Variants in CLIP1 observed in about 807,000 individuals in gnomAD.
The protein encoded by CLIP1 is CAP-Gly domain containing linker protein 1, also known as CAP-Gly domain-containing linker protein 1.
In CLIP1, 66 loss-of-function variants were observed where a neutral mutation model predicts 161.6. That is an observed-to-expected ratio of 0.41 (90% CI 0.33 to 0.50). The LOEUF is 0.50. Ranked by LOEUF, CLIP1 falls within the 20% of genes least tolerant of loss-of-function variation. CLIP1 has a pLI of 0.27. For missense variants in CLIP1, 1,376 were observed against 1,702.0 expected, an observed-to-expected ratio of 0.81 and a Z score of 3.37; for synonymous variants, 598 against 626.2, an observed-to-expected ratio of 0.96 and a Z score of 0.67.
chr12:122,330,461 T>C (rs1026939373), intron 15 of CLIP1, among the ~76,000 whole-genome samples: 2 of 152,170 alleles, frequency 1.3e-5, no homozygotes, highest in Non-Finnish European at 2.9e-5. Context: ...AATTTATAAA[T>C]GTTTGCCTTA....
At chr12:122,378,079 G>T in intron 2 of CLIP1, 119 bp from the exon 3 acceptor site, 2 of 856,324 alleles carry the variant, frequency 2.3e-6, no homozygotes, top group Non-Finnish European at 3.6e-6. Context: ...TTAGAAAGGT[G>T]TTTTAAAGTG....
intron 1 of CLIP1, among the ~76,000 whole-genome samples, chr12:122,415,953 T>C (rs1418710694): frequency 6.6e-6 from 1 of 151,692 alleles, no homozygotes; most frequent in Non-Finnish European, 1.5e-5. Context: ...TTAAGCAAGA[T>C]CCTGGGCCTG....
chr12:122,352,702 G>GT (rs1953099353), intron 8 of CLIP1, 24 bp downstream of exon 8: 1 of 1,601,034 alleles, frequency 6.2e-7, no homozygotes, highest in Middle Eastern at 1.7e-4. Flanking sequence ...CATAAAAGCT[G>GT]TAAGAGAGCT....
chr12:122,284,974 A>G (rs1955790692), intron 21 of CLIP1, among the ~76,000 whole-genome samples: 1 of 151,878 alleles, frequency 6.6e-6, no homozygotes, highest in Non-Finnish European at 1.5e-5. Context: ...GGGTCTCACT[A>G]TGTTGCCCAG....
intron 20 of CLIP1, among the ~76,000 whole-genome samples, chr12:122,297,905 G>A (rs1435673514): frequency 3.9e-5 from 6 of 152,114 alleles, no homozygotes; most frequent in Non-Finnish European, 7.4e-5. Flanking sequence ...AGCCACTTCC[G>A]GCAGGGTCAT....
chr12:122,364,141 A>G, intron 3 of CLIP1, 34 bp from the exon 4 acceptor site: 1 of 1,613,270 alleles, frequency 6.2e-7, no homozygotes, highest in Non-Finnish European at 8.5e-7. Flanking sequence ...AAAGAGATGA[A>G]CATCACTCTA....
chr12:122,357,330 C>T (rs1439950764), intron 5 of CLIP1, among the ~76,000 whole-genome samples: 2 of 151,630 alleles, frequency 1.3e-5, no homozygotes, highest in African/African-American at 4.8e-5. Context: ...CCCGGCCGCC[C>T]CGTCTGAGAA....
At position 122,359,838 on chromosome 12, in the gene CLIP1, C is replaced by T. The variant is rs562095903; in HGVS notation, c.1005+1121G>A. Among the ~76,000 whole-genome samples the T allele has an allele frequency of 7.9e-5, 12 of 152,316 alleles. No individual in the cohort carries two copies. The South Asian group carries it at 2.3e-3, about 29-fold the overall frequency. ...ACGCAACATCCTAGCTCCTGGTCTGCGGTTCCCCACCACCCAGCGGAGACC... is the reference window on the plus strand; with the variant it reads ...ACGCAACATCCTAGCTCCTGGTCTGTGGTTCCCCACCACCCAGCGGAGACC... On this transcript the variant is annotated intron_variant, in intron 5 of 25. Transcript: ENST00000620786.
At chr12:122,299,701 G>A (rs1468856470) in intron 20 of CLIP1, among the ~76,000 whole-genome samples, 2 of 148,648 alleles carry the variant, frequency 1.3e-5, no homozygotes, top group Non-Finnish European at 3.0e-5. Flanking sequence ...CAGATCATGA[G>A]GTCAGGAGAT....
intron 1 of CLIP1, among the ~76,000 whole-genome samples, chr12:122,389,758 CAAAAAA>C (rs57168188): frequency 5.1e-4 from 35 of 69,304 alleles, no homozygotes; most frequent in African/African-American, 1.9e-3. Flanking sequence ...GATCCTGTCT[CAAAAAA>C]AAAAAAAAAA....
chr12:122,349,894 GTTTTTTTTGTT>G (rs1566153271), intron 9 of CLIP1, among the ~76,000 whole-genome samples: 1 of 70,658 alleles, frequency 1.4e-5, no homozygotes, highest in African/African-American at 4.2e-5. Flanking sequence ...GTGTTTTTTT[GTTTTTTTTGTT>G]TTTTTTGTTT....
chr12:122,355,529 C>A lies in CLIP1; in HGVS notation c.1006-217G>T. On this transcript the variant is annotated intron_variant, in intron 5 of 25. Coordinates refer to ENST00000620786, the MANE Select transcript of CLIP1 (RefSeq NM_001247997.2). This position sits in a 1 kb window ranked among gnomAD's most constrained non-coding sequence, Gnocchi z 4.1. ...GAATACATCAACGTAAAGAGATCAG[C>A]CAGGTGCGGTGGCTCATGCCTGTAA... 1 of 532,916 alleles carries A rather than the reference C, an allele frequency of 1.9e-6. No individual in the cohort carries two copies. The highest frequency in any genetic ancestry group is 3.3e-5 in the East Asian group (1 of 30,210). The allele number at this position is 532,916 out of a possible 1,614,324, so 33.0% of individuals were successfully genotyped here. A position where few individuals can be genotyped will look rare whatever the true frequency, so the allele number is the denominator to read the frequency against.
At chr12:122,309,649 T>C (rs1950995564) in intron 20 of CLIP1, 113 bp downstream of exon 20, 3 of 1,288,146 alleles carry the variant, frequency 2.3e-6, no homozygotes, top group Non-Finnish European at 2.2e-6. Flanking sequence ...TGGAATTCCA[T>C]TTGGAATGAC....
At chr12:122,364,181 A>T in intron 3 of CLIP1, 74 bp from the exon 4 acceptor site, 4 of 1,542,322 alleles carry the variant, frequency 2.6e-6, no homozygotes, top group Non-Finnish European at 2.7e-6. Context: ...CCCTACTAGT[A>T]ACTAGGTACT....
chr12:122,338,483 G>A (rs182701852), intron 11 of CLIP1, among the ~76,000 whole-genome samples: 6 of 152,090 alleles, frequency 3.9e-5, no homozygotes, highest in Non-Finnish European at 7.4e-5. Flanking sequence ...TTGGGAGGCC[G>A]AGGTCAGTGG....
chr12:122,276,382 C>CCACACACACACACGCACACACACA, intron 24 of CLIP1: 1 of 1,160,594 alleles, frequency 8.6e-7, no homozygotes, highest in Non-Finnish European at 1.1e-6. Context: ...TAGTGGGAAA[C>CCACACACACACACGCACACACACA]CACACACACA....
chr12:122,400,355 T>G (rs1956100269), intron 1 of CLIP1: 1 of 151,244 alleles, frequency 6.6e-6, no homozygotes, highest in Non-Finnish European at 1.5e-5. Flanking sequence ...AAAAAAAAAA[T>G]TATGGGCCTG....
intron 25 of CLIP1, 123 bp from the exon 26 acceptor site, chr12:122,273,223 A>T (rs1422863977): frequency 2.8e-6 from 2 of 702,416 alleles, no homozygotes; most frequent in African/African-American, 3.6e-5. Flanking sequence ...AGCTTCCAGT[A>T]TAAGTAGTGC....
intron 20 of CLIP1, among the ~76,000 whole-genome samples, chr12:122,295,741 T>A (rs1033333582): frequency 1.3e-5 from 2 of 152,244 alleles, no homozygotes; most frequent in African/African-American, 4.8e-5. Flanking sequence ...GAATTTTCAA[T>A]TTCTCTTTTT....
Sources: allele counts gnomAD v4.1 joint callset (sites outside exome capture counted in the v4.1 genomes callset), GRCh38; gene constraint gnomAD v4.1.1; non-coding constraint Gnocchi (gnomAD v3.1); transcripts MANE v1.5; gene names NCBI Gene and HGNC (gene_info 2026-07-23, HGNC 2026-07-21).